The following CMAS variants were observed in gnomAD, a reference collection of about 807,000 sequenced individuals.
CMAS encodes the protein N-acylneuraminate cytidylyltransferase.
In CMAS, 21 loss-of-function variants were observed where a neutral mutation model predicts 53.4. The observed-to-expected ratio is 0.39, with a 90% CI of 0.28 to 0.57. The LOEUF (loss-of-function observed/expected upper bound fraction) is 0.57. Ranked by LOEUF, CMAS falls within the 20% of genes least tolerant of loss-of-function variation. The pLI, the probability that CMAS is intolerant of heterozygous loss-of-function variation, is 0.56. For synonymous variants in CMAS, 189 were observed against 195.2 expected (o/e 0.97, Z 0.27); for missense variants, 384 against 534.9 (o/e 0.72, Z 2.78).
chr12:22,046,694 A>G, intron 1 of CMAS, 131 bp downstream of exon 1: 1 of 1,136,812 alleles, frequency 8.8e-7, no homozygotes, highest in Non-Finnish European at 1.2e-6. Flanking sequence ...AGGGATGTGC[A>G]AGATCCGGGG....
At chr12:22,047,678 G>T (rs1324400295) in intron 1 of CMAS, among the ~76,000 whole-genome samples, 1 of 152,188 alleles carries the variant, frequency 6.6e-6, no homozygotes, top group East Asian at 1.9e-4. Context: ...GCAATAGGAA[G>T]TGTGCGAAGG....
chr12:22,062,470 C>A, intron 7 of CMAS, 36 bp downstream of exon 7: 1 of 1,578,614 alleles, frequency 6.3e-7, no homozygotes, highest in Non-Finnish European at 8.6e-7. Flanking sequence ...GTAAAATGGA[C>A]CAGGAATTAA....
intron 1 of CMAS, among the ~76,000 whole-genome samples, chr12:22,053,590 ATGG>A (rs1950249360): frequency 6.6e-6 from 1 of 151,112 alleles, no homozygotes; most frequent in Non-Finnish European, 1.5e-5. Context: ...CTATTAAAAC[ATGG>A]TGGGGGCCGG....
intron 4 of CMAS, 53 bp downstream of exon 4, chr12:22,058,753 T>G: frequency 6.3e-7 from 1 of 1,579,384 alleles, no homozygotes; most frequent in Non-Finnish European, 8.6e-7. Flanking sequence ...AGGCATACTT[T>G]GAGTTCTAGG....
At chr12:22,063,765 T>TAAGA (rs1284790086) in intron 7 of CMAS, 1 of 150,382 alleles carries the variant, frequency 6.6e-6, no homozygotes, top group Non-Finnish European at 1.5e-5. Flanking sequence ...AAAGGAGAGG[T>TAAGA]AAGAAAATGG....
chr12:22,056,176 T>C (rs751047718), intron 3 of CMAS, among the ~76,000 whole-genome samples: 7 of 152,254 alleles, frequency 4.6e-5, no homozygotes, highest in Non-Finnish European at 7.3e-5. Context: ...CCATTTTCTG[T>C]TGAAATTTTC....
At chr12:22,052,463 C>A (rs12427354) in intron 1 of CMAS, among the ~76,000 whole-genome samples, 1 of 151,912 alleles carries the variant, frequency 6.6e-6, no homozygotes, top group Non-Finnish European at 1.5e-5. Flanking sequence ...GACCACTGAA[C>A]CCTCTGGTAT....
intron 3 of CMAS, among the ~76,000 whole-genome samples, chr12:22,057,667 T>G (rs143162279): frequency 6.6e-6 from 1 of 152,296 alleles, no homozygotes; most frequent in African/African-American, 2.4e-5. Flanking sequence ...CTTTTAAAGC[T>G]ACTTTAAGGT....
chr12:22,059,149 T>TATATATA (rs1491113231), intron 4 of CMAS, among the ~76,000 whole-genome samples: 1 of 91,918 alleles, frequency 1.1e-5, no homozygotes, highest in African/African-American at 7.2e-5. Context: ...TATATATATA[T>TATATATA]TTTTTTTTTT....
chr12:22,063,941 A>T (rs555359645), intron 7 of CMAS: 55 of 152,224 alleles, frequency 3.6e-4, no homozygotes, highest in Non-Finnish European at 7.1e-4. Flanking sequence ...CAAAAAAAAA[A>T]AATAATAACT....
intron 1 of CMAS, among the ~76,000 whole-genome samples, chr12:22,052,956 T>C (rs1950245534): frequency 6.6e-6 from 1 of 152,204 alleles, no homozygotes; most frequent in Admixed American, 6.5e-5. Context: ...AGATTTTCTT[T>C]AGTTTTTCAC....
rs772573747 is a variant in CMAS, at chr12:22,065,269, T to A, written c.1263T>A (p.Ile421=). ...CCATCCGAGAATTTGCAGAGCACAT[T>A]TGCCTACTAATGGAAAAGGTTAATA... The part of the protein sequence containing the change: ...RGAIREFAEH[I]CLLMEKVNNS... Residue 421 remains isoleucine (I), a synonymous_variant, in exon 8 of 8, where the codon ATT becomes ATA. Coordinates refer to ENST00000229329, the MANE Select transcript of CMAS (RefSeq NM_018686.6). The A allele has an allele frequency of 5.9e-5, 96 of 1,613,914 alleles. 1 individual carries two copies. The South Asian group carries it at 1.0e-3, about 18-fold the overall frequency.
Position 22,046,480 on chromosome 12 carries a change from C to G in CMAS, c.177C>G (p.Pro59=). 6.2e-7 allele frequency: 1 copy of G among 1,610,068 alleles called. No individual in the cohort carries two copies. Among genetic ancestry groups the G allele is most frequent in the East Asian group, 2.2e-5 (1 of 44,590 alleles). Reference sequence around the variant, plus strand: ...CCCGGGGAGGCAGCAAAGGCATCCCCCTGAAGAACATTAAGCACCTGGCGG... The same window carrying G: ...CCCGGGGAGGCAGCAAAGGCATCCCGCTGAAGAACATTAAGCACCTGGCGG... ...ILARGGSKGI[P]LKNIKHLAGV... is the part of the protein sequence containing the mutation. Residue 59 remains proline (P), a synonymous_variant, in exon 1 of 8, where the codon CCC becomes CCG. Coordinates refer to ENST00000229329, the MANE Select transcript of CMAS (RefSeq NM_018686.6).
chr12:22,064,348 T>G (rs1442253011), intron 7 of CMAS, among the ~76,000 whole-genome samples: 3 of 152,122 alleles, frequency 2.0e-5, no homozygotes, highest in Non-Finnish European at 4.4e-5. Flanking sequence ...TCTATTTTTA[T>G]TCTTTAAAAA....
chr12:22,050,689 A>G (rs558542423), intron 1 of CMAS, among the ~76,000 whole-genome samples: 2 of 152,042 alleles, frequency 1.3e-5, no homozygotes, highest in Non-Finnish European at 1.5e-5. Flanking sequence ...ACTCAGCTCT[A>G]CTGTTGTGTA....
At chr12:22,056,246 C>G (rs1377401211) in intron 3 of CMAS, among the ~76,000 whole-genome samples, 1 of 152,116 alleles carries the variant, frequency 6.6e-6, no homozygotes, top group African/African-American at 2.4e-5. Flanking sequence ...TTTTTGATAG[C>G]TATTTGAAAG....
At chr12:22,062,260 C>CTTTT in intron 6 of CMAS, 21 bp from the exon 7 acceptor site, 21 of 1,414,958 alleles carry the variant, frequency 1.5e-5, no homozygotes, top group South Asian at 7.1e-5. Flanking sequence ...TCCTCCAATC[C>CTTTT]TTTTTTTTTT....
At position 22,063,702 on chromosome 12, in the gene CMAS, A is replaced by T. The variant is rs1029269134; in HGVS notation, c.1114+1268A>T. 6.8e-5 allele frequency: 10 copies of T among 148,118 alleles called. No homozygotes were observed. The South Asian group carries it at 2.2e-3, about 33-fold the overall frequency. 9.2% of individuals were successfully genotyped at this position (148,118 alleles called of 1,614,324 possible). A position where few individuals can be genotyped will look rare whatever the true frequency, so the allele number is the denominator to read the frequency against. On this transcript the variant is annotated intron_variant, in intron 7 of 7. Transcript: ENST00000229329. The stretch of plus-strand genomic sequence containing the variant: ...TTTTTAAAAAAATATTTCTACCACG[A>T]ATACGTATTACTTATATGACATTAA...
At chr12:22,050,940 G>A (rs1319153486) in intron 1 of CMAS, among the ~76,000 whole-genome samples, 5 of 151,768 alleles carry the variant, frequency 3.3e-5, no homozygotes, top group Admixed American at 6.6e-5. Flanking sequence ...AGCTGTAAGA[G>A]GACTTTGGAG....
Sources: gnomAD v4.1 joint callset for allele counts (sites outside exome capture counted in the v4.1 genomes callset) on GRCh38, gnomAD v4.1.1 for gene constraint, MANE v1.5 for transcripts, NCBI Gene and HGNC (gene_info 2026-07-23, HGNC 2026-07-21) for gene names.